The following SH3KBP1 variants were observed in gnomAD, a reference collection of about 807,000 sequenced individuals.
SH3KBP1 encodes the protein SH3 domain containing kinase binding protein 1.
A neutral mutation model predicts 50.1 loss-of-function variants in SH3KBP1; 8 were observed. The ratio of observed to expected loss-of-function variants is 0.16; its 90% confidence interval spans 0.09 to 0.29. SH3KBP1 has a LOEUF of 0.29. SH3KBP1 is among the 10% of genes least tolerant of loss of function. The pLI, the probability that SH3KBP1 is intolerant of heterozygous loss-of-function variation, is 1.00. For synonymous variants in SH3KBP1, 227 were observed against 218.6 expected, an observed-to-expected ratio of 1.04 and a Z score of -0.34; for missense variants, 377 against 535.2, an observed-to-expected ratio of 0.70 and a Z score of 2.92.
At position 19,786,901 on chromosome X, in the gene SH3KBP1, T is replaced by C. The variant is rs763931424; in HGVS notation, c.163-40460A>G. Among the ~76,000 whole-genome samples the C allele has an allele frequency of 1.4e-4, 16 of 112,394 alleles. No homozygotes were observed. The East Asian group carries it at 3.3e-3, about 23-fold the overall frequency. On this transcript the variant is annotated intron_variant, in intron 2 of 17. Coordinates refer to ENST00000397821, the MANE Select transcript of SH3KBP1 (RefSeq NM_031892.3). ...AGAGTATTCTACTATATGGATGTACTATAACTTATATATCCCAAGTTGATG... is the reference window on the plus strand; with the variant it reads ...AGAGTATTCTACTATATGGATGTACCATAACTTATATATCCCAAGTTGATG...
intron 1 of SH3KBP1, among the ~76,000 whole-genome samples, chrX:19,852,146 T>G (rs1215972454): frequency 9.0e-6 from 1 of 111,377 alleles, no homozygotes; most frequent in Non-Finnish European, 1.9e-5. Flanking sequence ...AAGACAGCCA[T>G]GCTGTAAGGA....
At chrX:19,779,937 A>C (rs1297066528) in intron 2 of SH3KBP1, among the ~76,000 whole-genome samples, 7 of 109,542 alleles carry the variant, frequency 6.4e-5, no homozygotes, top group African/African-American at 2.0e-4. Context: ...CTTTGGGTAT[A>C]TACCCAGTAA....
chrX:19,597,536 T>G (rs1054754981), intron 9 of SH3KBP1, among the ~76,000 whole-genome samples: 1 of 111,998 alleles, frequency 8.9e-6, no homozygotes, highest in African/African-American at 3.3e-5. Flanking sequence ...ATCCTCTCAC[T>G]TCAGCTTCCC....
At chrX:19,559,303 G>C (rs1406915711) in intron 13 of SH3KBP1, among the ~76,000 whole-genome samples, 1 of 85,629 alleles carries the variant, frequency 1.2e-5, no homozygotes, top group East Asian at 3.4e-4. Context: ...AAAAAAAGTA[G>C]ATTAAATGGA....
intron 12 of SH3KBP1, among the ~76,000 whole-genome samples, chrX:19,572,335 T>TTATATATAGTACATATATATG (rs1465641631): frequency 3.6e-4 from 38 of 105,677 alleles, no homozygotes; most frequent in African/African-American, 1.2e-3. Context: ...CATATATATG[T>TTATATATAGTACATATATATG]TATATATAGT....
chrX:19,640,978 G>A (rs1275962358), intron 7 of SH3KBP1, among the ~76,000 whole-genome samples: 11 of 112,195 alleles, frequency 9.8e-5, no homozygotes, highest in African/African-American at 3.6e-4. Flanking sequence ...TTAAACCCCA[G>A]AAAATTCTGT....
intron 4 of SH3KBP1, among the ~76,000 whole-genome samples, chrX:19,703,696 C>G (rs945730194): frequency 1.4e-4 from 9 of 63,502 alleles, no homozygotes; most frequent in East Asian, 5.7e-4. Context: ...AAAAGAGAAA[C>G]TGTGTGTGTG....
intron 2 of SH3KBP1, among the ~76,000 whole-genome samples, chrX:19,810,312 A>G (rs1035189146): frequency 2.7e-5 from 3 of 112,820 alleles, no homozygotes; most frequent in African/African-American, 9.7e-5. Context: ...AAAGGGAAAA[A>G]GAATATAGTT....
rs779114167 is a variant in SH3KBP1, at chrX:19,706,464, A to G, written c.390+417T>C. ...CTTAAAGAATCTTGTCACATCTGCC[A>G]CATACTAGGTCTTCTAAGAAATGTC... On this transcript the variant is annotated intron_variant, in intron 4 of 17. Transcript: ENST00000397821. Among the ~76,000 whole-genome samples, 3 of 110,612 alleles carry G rather than the reference A, an allele frequency of 2.7e-5. No individual in the cohort carries two copies. In the East Asian group the frequency reaches 8.6e-4, roughly 32 times the overall value.
chrX:19,599,636 C>A (rs1825236980), intron 9 of SH3KBP1, among the ~76,000 whole-genome samples: 1 of 112,145 alleles, frequency 8.9e-6, no homozygotes, highest in Non-Finnish European at 1.9e-5. Flanking sequence ...CACAAGTTTT[C>A]CTCTTTTTTA....
intron 7 of SH3KBP1, among the ~76,000 whole-genome samples, chrX:19,635,530 C>T (rs2061681409): frequency 9.4e-6 from 1 of 105,908 alleles, no homozygotes; most frequent in Non-Finnish European, 1.9e-5. Context: ...ACGTGTATCC[C>T]GTTTTTTTTT....
rs59121045 is a variant in SH3KBP1, at chrX:19,722,531, GGTGTGTGTGT to G, written c.287-15557_287-15548del. Among the ~76,000 whole-genome samples the G allele has an allele frequency of 9.9e-5, 10 of 101,045 alleles. No homozygotes were observed. The South Asian group carries it at 4.0e-3, about 40-fold the overall frequency. The allele number at this position is 101,045 out of a possible 115,157, so 87.7% of individuals were successfully genotyped here. ...GCTCCCAGCCCTACTCAGCTGCACT[GGTGTGTGTGT>G]GTGTGTGTGTGTGTGCGCGTGCGCA... On this transcript the variant is annotated intron_variant, in intron 3 of 17. Coordinates refer to ENST00000397821, the MANE Select transcript of SH3KBP1 (RefSeq NM_031892.3).
At chrX:19,559,197 G>A (rs1461547687) in intron 13 of SH3KBP1, among the ~76,000 whole-genome samples, 2 of 93,001 alleles carry the variant, frequency 2.2e-5, no homozygotes, top group Admixed American at 1.2e-4. Context: ...GCTTGAACCC[G>A]GGAGGTGGAG....
At chrX:19,758,976 T>C (rs1339953835) in intron 2 of SH3KBP1, among the ~76,000 whole-genome samples, 1 of 112,039 alleles carries the variant, frequency 8.9e-6, no homozygotes, top group Non-Finnish European at 1.9e-5. Context: ...CCAAGACTAA[T>C]AGTCTAACAG....
chrX:19,806,967 T>A (rs2067067014), intron 2 of SH3KBP1, among the ~76,000 whole-genome samples: 2 of 112,056 alleles, frequency 1.8e-5, no homozygotes, highest in Admixed American at 1.9e-4. Flanking sequence ...TTCAAATAAC[T>A]GGGTTGACCC....
At chrX:19,814,511 G>T (rs1465792447) in intron 2 of SH3KBP1, among the ~76,000 whole-genome samples, 1 of 110,974 alleles carries the variant, frequency 9.0e-6, no homozygotes, top group East Asian at 2.9e-4. Flanking sequence ...GGCAGTGGTG[G>T]TGCACTGGTC....
chrX:19,791,577 A>C (rs2066533252), intron 2 of SH3KBP1, among the ~76,000 whole-genome samples: 1 of 110,116 alleles, frequency 9.1e-6, no homozygotes, highest in Non-Finnish European at 1.9e-5. Flanking sequence ...GTAAAGTAGG[A>C]AACTTTATGC....
chrX:19,668,975 T>TATATATATATATATATA (rs1569405153), intron 6 of SH3KBP1, among the ~76,000 whole-genome samples: 7 of 66,603 alleles, frequency 1.1e-4, no homozygotes, highest in Admixed American at 1.6e-4. Flanking sequence ...TATATATATA[T>TATATATATATATATATA]TTTTTGAGAC....
At chrX:19,745,618 C>T (rs1276105145) in intron 3 of SH3KBP1, among the ~76,000 whole-genome samples, 2 of 111,953 alleles carry the variant, frequency 1.8e-5, no homozygotes, top group Non-Finnish European at 3.8e-5. Context: ...AGCATGTGCC[C>T]TGGCTGGTCC....
Sources: allele counts gnomAD v4.1 joint callset (sites outside exome capture counted in the v4.1 genomes callset), GRCh38; gene constraint gnomAD v4.1.1; transcripts MANE v1.5; gene names NCBI Gene and HGNC (gene_info 2026-07-23, HGNC 2026-07-21).